Variants in RNF213 observed in about 807,000 individuals in gnomAD.
RNF213 encodes E3 ubiquitin-protein ligase RNF213.
A neutral mutation model predicts 514.4 loss-of-function variants in RNF213; 341 were observed. The ratio of observed to expected loss-of-function variants is 0.66; its 90% CI spans 0.61 to 0.73. The LOEUF is 0.73. RNF213 is among the 30% of genes least tolerant of loss of function. The pLI is 0.00. For synonymous variants in RNF213, 2,655 were observed against 2,658.2 expected, an observed-to-expected ratio of 1.00 and a Z score of 0.04; for missense variants, 5,767 against 6,615.6, an observed-to-expected ratio of 0.87 and a Z score of 4.45.
At position 80,377,018 on chromosome 17, in the gene RNF213, AGATGCTAT is replaced by A. The variant is rs2079788063; in HGVS notation, c.13510+58_13510+65del. On this transcript the variant is annotated intron_variant, in intron 53 of 67. Coordinates refer to ENST00000582970, the MANE Select transcript of RNF213 (RefSeq NM_001256071.3). The surrounding 1 kb of genome is among the most constrained non-coding windows in gnomAD (Gnocchi z 4.1). ...CTCCTTTGAGCTTCAAAGGGTGTCC[AGATGCTAT>A]GAAGCATTGGGTTCGACTTGGGGTC... is the stretch of plus-strand genomic sequence containing the variant. 3 of 1,380,800 alleles carry A rather than the reference AGATGCTAT, an allele frequency of 2.2e-6. No individual in the cohort carries two copies. The highest frequency in any genetic ancestry group is 3.1e-6 in the Non-Finnish European group (3 of 974,704). 85.5% of individuals were successfully genotyped at this position (1,380,800 alleles called of 1,614,324 possible).
At chr17:80,313,953 GTGGAGGTGA>G (rs62650597) in intron 15 of RNF213, among the ~76,000 whole-genome samples, 6 of 5,816 alleles carry the variant, frequency 1.0e-3, no homozygotes, top group Non-Finnish European at 9.8e-4. Context: ...GATGGTGGTG[GTGGAGGTGA>G]TGGTGGAGGT....
intron 11 of RNF213, 105 bp from the exon 12 acceptor site, chr17:80,306,147 T>G: frequency 8.8e-7 from 1 of 1,137,166 alleles, no homozygotes; most frequent in South Asian, 1.2e-5. Flanking sequence ...ATTTAAATCA[T>G]TTTTGAATTC....
intron 58 of RNF213, 78 bp downstream of exon 58, chr17:80,383,148 G>C: frequency 2.0e-6 from 2 of 1,024,518 alleles, no homozygotes; most frequent in East Asian, 2.5e-5. Flanking sequence ...AATGCTCCTT[G>C]CCTGTTGCCC....
intron 50 of RNF213, chr17:80,374,924 C>T: frequency 2.9e-6 from 1 of 348,568 alleles, no homozygotes; most frequent in Non-Finnish European, 5.6e-6. Flanking sequence ...GATGCTGACA[C>T]AACTATTAAT....
Position 80,376,927 on chromosome 17 carries a change from C to T in RNF213, c.13474C>T (p.Arg4492Trp), listed in dbSNP as rs140733234. 16 of 1,613,932 alleles carry T rather than the reference C, an allele frequency of 9.9e-6. No individual in the cohort carries two copies. Among genetic ancestry groups the T allele is most frequent in the South Asian group, 2.2e-5 (2 of 91,070 alleles). ...TMPEDLLAQA[R>W]RWKGLERVHW... ...GCCTGAAGACTTGCTGGCTCAAGCT[C>T]GGAGGTGGAAGGGTCTGGAGCGAGT... The change falls in exon 53 of 68, where the codon CGG becomes TGG. Residue 4492 changes from arginine (R) to tryptophan (W), a missense_variant. Arg to Trp is a moderately radical substitution (Grantham distance 101, BLOSUM62 -3). This residue lies in a region of RNF213 where 1,245 missense variants were observed against 1,339.0 expected (regional missense o/e 0.93). Transcript: ENST00000582970.
rs1344841390 is a variant in RNF213, at chr17:80,345,297, A to G, written c.6962A>G (p.His2321Arg). ...DHTTMTFIGF[H>R]LQPNINGSVD... is the part of the protein sequence containing the mutation. ...ACAACCATGACATTCATCGGCTTCC[A>G]TCTGCAGCCCAACATCAACGGCAGT... is the stretch of plus-strand genomic sequence containing the variant. Residue 2321 changes from histidine to arginine, a missense_variant, in exon 29 of 68, where the codon CAT becomes CGT. By Grantham distance (29) the His-to-Arg change is conservative. This residue lies in a region of RNF213 where 1,377 missense variants were observed against 1,635.2 expected (regional missense o/e 0.84). Coordinates refer to ENST00000582970, the MANE Select transcript of RNF213 (RefSeq NM_001256071.3). This position sits in a 1 kb window ranked among gnomAD's most constrained non-coding sequence, Gnocchi z 6.0. The G allele has an allele frequency of 6.2e-7, 1 of 1,614,116 alleles. No homozygotes were observed. Among genetic ancestry groups the G allele is most frequent in the Admixed American group, 1.7e-5 (1 of 60,018 alleles).
Position 80,353,516 on chromosome 17 carries a change from C to T in RNF213, c.10428C>T (p.Gly3476=). 1 of 1,609,774 alleles carries T rather than the reference C, an allele frequency of 6.2e-7. No homozygotes were observed. The highest frequency in any genetic ancestry group is 8.5e-7 in the Non-Finnish European group (1 of 1,177,948). The change falls in exon 34 of 68, where the codon GGC becomes GGT. Residue 3476 remains glycine (G), a synonymous_variant. Transcript: ENST00000582970. The surrounding 1 kb of genome is among the most constrained non-coding windows in gnomAD (Gnocchi z 5.0). ...TCACGTTTGCTTCGACTGCAGTGGG[C>T]TTGGAACACCGGGCGGAAGACGGCC... is the stretch of plus-strand genomic sequence containing the variant. The part of the protein sequence containing the change: ...LFAPGDLPEL[G]LEHRAEDGHE...
intron 3 of RNF213, among the ~76,000 whole-genome samples, chr17:80,277,801 G>A (rs973166653): frequency 2.0e-5 from 3 of 152,154 alleles, no homozygotes; most frequent in East Asian, 1.9e-4. Flanking sequence ...AAGCGCAGAC[G>A]CCGCATTCTA....
Position 80,317,519 on chromosome 17 carries a change from G to A in RNF213, c.2901+242G>A, listed in dbSNP as rs1035950555. On this transcript the variant is annotated intron_variant, in intron 16 of 67. Transcript: ENST00000582970. This position sits in a 1 kb window ranked among gnomAD's most constrained non-coding sequence, Gnocchi z 4.1. ...CAGGATCTCACCATCATGGGGGTGC[G>A]GGATTTTTCCTGACCCCTTCGTTGG... Among the ~76,000 whole-genome samples the A allele has an allele frequency of 3.9e-5, 6 of 152,180 alleles. No individual in the cohort carries two copies. The highest frequency in any genetic ancestry group is 2.1e-4 in the South Asian group (1 of 4,836).
Position 80,340,194 on chromosome 17 carries a change from T to C in RNF213, c.5827T>C (p.Phe1943Leu). Residue 1943 changes from phenylalanine to leucine, a missense_variant, in exon 26 of 68, where the codon TTC becomes CTC. By Grantham distance (22) the Phe-to-Leu change is conservative (BLOSUM62 0). Transcript: ENST00000582970. ...DWEHCYLPSA[F>L]SQHKVFVTPQ... ...GGAGCACTGCTACCTCCCCTCTGCC[T>C]TCAGCCAGCACAAGGTCTTCGTCAC... The C allele has an allele frequency of 6.2e-7, 1 of 1,613,888 alleles. No individual in the cohort carries two copies.
intron 52 of RNF213, 29 bp downstream of exon 52, chr17:80,376,572 T>G: frequency 2.5e-6 from 4 of 1,613,646 alleles, no homozygotes; most frequent in Non-Finnish European, 3.4e-6. Context: ...TCCATCGGCC[T>G]TCACTGGAAC....
rs768224078 is a variant in RNF213, at chr17:80,376,382, G to A, written c.13267G>A (p.Val4423Met). ...PDISRFATSL[V>M]DNSVPLLRAG... ...TATCAGCCGTTTTGCAACATCGCTC[G>A]TGGACAATTCTGTGCCATTGTTGAG... The change falls in exon 52 of 68, where the codon GTG (valine) becomes ATG (methionine). Residue 4423 changes from valine to methionine, a missense_variant. Transcript: ENST00000582970. 22 of 1,614,056 alleles carry A rather than the reference G, an allele frequency of 1.4e-5. No homozygotes were observed. The highest frequency in any genetic ancestry group is 1.6e-4 in the Middle Eastern group (1 of 6,084).
chr17:80,288,432 T>C lies in RNF213; in HGVS notation c.810+69T>C. 6.2e-7 allele frequency: 1 copy of C among 1,601,530 alleles called. No individual in the cohort carries two copies. The highest frequency in any genetic ancestry group is 8.5e-7 in the Non-Finnish European group (1 of 1,174,642). ...TCGGCACCTGGGCTCTGCTGCAAGG[T>C]GCTGGCGTTGCTTCCCTGCCGGGGG... On this transcript the variant is annotated intron_variant, in intron 4 of 67. Transcript: ENST00000582970. The surrounding 1 kb of genome is among the most constrained non-coding windows in gnomAD (Gnocchi z 4.9).
At chr17:80,350,036 A>C in intron 30 of RNF213, 130 bp downstream of exon 30, 1 of 1,061,462 alleles carries the variant, frequency 9.4e-7, no homozygotes, top group Non-Finnish European at 1.4e-6. Context: ...ATCCTTGTTA[A>C]ATCTCTCCCA....
At chr17:80,382,526 CTTA>C in intron 57 of RNF213, 1 of 170,984 alleles carries the variant, frequency 5.8e-6, no homozygotes, top group Middle Eastern at 5.4e-4. Flanking sequence ...TTTTAAGCCT[CTTA>C]TTCTGGTGGG....
intron 11 of RNF213, among the ~76,000 whole-genome samples, chr17:80,304,497 G>A (rs1010907108): frequency 9.9e-5 from 15 of 152,018 alleles, no homozygotes; most frequent in Middle Eastern, 3.4e-3. Context: ...AAAATGAGCC[G>A]GGCGTGGTGG....
In RNF213 at chr17:80,345,311, A is replaced by G. The variant is rs967899969; in HGVS notation, c.6976A>G (p.Ile2326Val). Reference protein sequence around the residue: ...TFIGFHLQPNINGSVDAISHL... With the variant: ...TFIGFHLQPNVNGSVDAISHL... ...CATCGGCTTCCATCTGCAGCCCAAC[A>G]TCAACGGCAGTGTCGATGCCATCAG... The change falls in exon 29 of 68, where the codon ATC (isoleucine) becomes GTC (valine). Residue 2326 changes from isoleucine (I) to valine (V), a missense_variant. By Grantham distance (29) the Ile-to-Val change is conservative. This residue lies in a region of RNF213 where 1,377 missense variants were observed against 1,635.2 expected (regional missense o/e 0.84). Transcript: ENST00000582970. This position sits in a 1 kb window ranked among gnomAD's most constrained non-coding sequence, Gnocchi z 6.0. 2 of 1,614,124 alleles carry G rather than the reference A, an allele frequency of 1.2e-6. No individual in the cohort carries two copies. The highest frequency in any genetic ancestry group is 1.6e-4 in the Middle Eastern group (1 of 6,062).
intron 6 of RNF213, 127 bp from the exon 7 acceptor site, chr17:80,290,443 G>T (rs2044669686): frequency 2.7e-6 from 3 of 1,127,306 alleles, no homozygotes; most frequent in Non-Finnish European, 4.0e-6. Flanking sequence ...GTGTGTGCAT[G>T]TGTGTGTGCG....
chr17:80,360,141 G>C lies in RNF213; in HGVS notation c.11135G>C (p.Ser3712Thr), dbSNP rs1157480657. 6.2e-7 allele frequency: 1 copy of C among 1,614,110 alleles called. No homozygotes were observed. Among genetic ancestry groups the C allele is most frequent in the South Asian group, 1.1e-5 (1 of 91,070 alleles). The change falls in exon 38 of 68, where the codon AGC (serine) becomes ACC (threonine). Residue 3712 changes from serine (S) to threonine (T), a missense_variant. Transcript: ENST00000582970. ...AACGCTTCCAACAACGTCCCTTTCA[G>C]CTGGAAAATCAAGGACTATCTGGAG... ...SENASNNVPF[S>T]WKIKDYLEEL...
Sources: gnomAD v4.1 joint callset for allele counts (sites outside exome capture counted in the v4.1 genomes callset) on GRCh38, gnomAD v4.1.1 for gene constraint, gnomAD v4.1.1 regional missense constraint, Gnocchi (gnomAD v3.1) non-coding constraint, MANE v1.5 for transcripts, NCBI Gene and HGNC (gene_info 2026-07-23, HGNC 2026-07-21) for gene names.